Variants in PUM1 observed in about 807,000 individuals in gnomAD.
PUM1 encodes the protein pumilio RNA binding family member 1.
In PUM1, 13 loss-of-function variants were observed where a neutral mutation model predicts 131.8. That is an observed-to-expected ratio of 0.10 (90% confidence interval 0.06 to 0.16). PUM1 has a LOEUF of 0.16. Ranked by LOEUF, PUM1 falls within the 10% of genes least tolerant of loss-of-function variation. The pLI, the probability that PUM1 is intolerant of heterozygous loss-of-function variation, is 1.00. For missense variants in PUM1, 961 were observed against 1,512.4 expected, an observed-to-expected ratio of 0.64 and a Z score of 6.05; for synonymous variants, 509 against 556.5, an observed-to-expected ratio of 0.91 and a Z score of 1.20.
At chr1:31,019,260 G>C (rs758158710) in intron 3 of PUM1, among the ~76,000 whole-genome samples, 9 of 152,220 alleles carry the variant, frequency 5.9e-5, no homozygotes, top group African/African-American at 9.6e-5. Context: ...GCTGAGGCAC[G>C]AGAATCACTT....
chr1:31,020,530 G>A (rs1372701432), intron 3 of PUM1, among the ~76,000 whole-genome samples: 1 of 152,122 alleles, frequency 6.6e-6, no homozygotes, highest in East Asian at 1.9e-4. Flanking sequence ...ATACTGTAAA[G>A]TTCACAAATA....
At chr1:30,946,393 A>G (rs1288214855) in intron 17 of PUM1, among the ~76,000 whole-genome samples, 1 of 151,416 alleles carries the variant, frequency 6.6e-6, no homozygotes, top group East Asian at 2.0e-4. Context: ...AACCCCAGCA[A>G]TTTGGGAGGC....
At chr1:30,954,401 C>A (rs1448079029) in intron 14 of PUM1, among the ~76,000 whole-genome samples, 1 of 152,120 alleles carries the variant, frequency 6.6e-6, no homozygotes, top group Non-Finnish European at 1.5e-5. Context: ...CTTGAATAAC[C>A]CCCATTTCCA....
At chr1:30,969,996 A>T (rs890523431) in intron 10 of PUM1, among the ~76,000 whole-genome samples, 1 of 152,182 alleles carries the variant, frequency 6.6e-6, no homozygotes, top group Non-Finnish European at 1.5e-5. Flanking sequence ...AAACACAGAC[A>T]TCAAAATGCT....
chr1:30,978,455 G>A (rs1009176479), intron 9 of PUM1, among the ~76,000 whole-genome samples: 6 of 152,186 alleles, frequency 3.9e-5, no homozygotes, highest in South Asian at 2.1e-4. Flanking sequence ...GGATGACCAC[G>A]GACAGCCAGA....
chr1:31,047,511 C>T lies in PUM1; in HGVS notation c.363+11693G>A, dbSNP rs995601262. On this transcript the variant is annotated intron_variant, in intron 2 of 21. Transcript: ENST00000426105. The stretch of plus-strand genomic sequence containing the variant: ...ATTGTTAAAGTATTCTTTCCACACA[C>T]CCAGAAACCTAATTTTGTACTCAGG... Among the ~76,000 whole-genome samples the T allele has an allele frequency of 7.9e-5, 12 of 152,356 alleles. No individual in the cohort carries two copies. In the East Asian group the frequency reaches 9.6e-4, roughly 12 times the overall value.
In PUM1 at chr1:30,999,241, C is replaced by T. The variant is rs1642098830; in HGVS notation, c.721-4021G>A. ...ATTCAAACACCTGGCTTCAAGTGAT[C>T]CTCCTGCCTTGGTCTCCCAAAGCTC... On this transcript the variant is annotated intron_variant, in intron 5 of 21. Transcript: ENST00000426105. Among the ~76,000 whole-genome samples the T allele has an allele frequency of 2.0e-5, 3 of 152,144 alleles. 1 individual carries two copies. The South Asian group carries it at 6.2e-4, about 32-fold the overall frequency.
Position 31,038,984 on chromosome 1 carries a change from A to ATTTT in PUM1, c.364-10124_364-10121dup, listed in dbSNP as rs35507851. Among the ~76,000 whole-genome samples the ATTTT allele has an allele frequency of 8.5e-4, 42 of 49,418 alleles. 2 individuals are homozygous for ATTTT. Among genetic ancestry groups the ATTTT allele is most frequent in the African/African-American group, 6.8e-3 (33 of 4,832 alleles). 32.4% of individuals were successfully genotyped at this position (49,418 alleles called of 152,430 possible). A position where few individuals can be genotyped will look rare whatever the true frequency, so the allele number is the denominator to read the frequency against. On this transcript the variant is annotated intron_variant, in intron 2 of 21. Transcript: ENST00000426105. Reference sequence around the variant, plus strand: ...TATATATATATATATATATATATATATTTTTTTTTTTTTTTTCCTTTTCTC... The same window carrying ATTTT: ...TATATATATATATATATATATATATATTTTTTTTTTTTTTTTTTTTCCTTTTCTC...
chr1:31,026,026 G>A (rs1643207223), intron 3 of PUM1, among the ~76,000 whole-genome samples: 1 of 152,052 alleles, frequency 6.6e-6, no homozygotes, highest in African/African-American at 2.4e-5. Context: ...GCCAAGGCAG[G>A]CGACTGCCTG....
Position 30,995,091 on chromosome 1 carries a change from C to T in PUM1, c.850G>A (p.Val284Met). Reference protein sequence around the residue: ...DVMDKTNGLPVQNGIDADVKD... With the variant: ...DVMDKTNGLPMQNGIDADVKD... ...ACGTCTGCATCAATCCCATTCTGCACTGGTAAACCATTGGTCTTGTCCATC... is the reference window on the plus strand; with the variant it reads ...ACGTCTGCATCAATCCCATTCTGCATTGGTAAACCATTGGTCTTGTCCATC... Residue 284 changes from valine to methionine, a missense_variant, in exon 6 of 22, where the codon GTG becomes ATG. By Grantham distance (21) the Val-to-Met change is conservative. Transcript: ENST00000426105. 6.2e-7 allele frequency: 1 copy of T among 1,614,186 alleles called. No homozygotes were observed. Among genetic ancestry groups the T allele is most frequent in the Non-Finnish European group, 8.5e-7 (1 of 1,180,014 alleles).
chr1:30,953,314 G>A lies in PUM1; in HGVS notation c.2591+400C>T, dbSNP rs76878350. On this transcript the variant is annotated intron_variant, in intron 15 of 21. Coordinates refer to ENST00000426105, the MANE Select transcript of PUM1 (RefSeq NM_001020658.2). ...AGATTCGCTTTCTGTGAAGCCCACT[G>A]CAGCAGCCCAACAGGAAGGGGTAAA... Among the ~76,000 whole-genome samples the A allele has an allele frequency of 2.6e-3, 391 of 152,306 alleles. 4 individuals carry two copies. The East Asian group carries it at 0.033, about 13-fold the overall frequency.
intron 5 of PUM1, among the ~76,000 whole-genome samples, chr1:31,004,092 C>G (rs911516749): frequency 6.6e-6 from 1 of 152,190 alleles, no homozygotes; most frequent in Non-Finnish European, 1.5e-5. Context: ...TCTTAACCTC[C>G]TCTGTCACGA....
At chr1:30,991,708 TTTC>T (rs959004626) in intron 7 of PUM1, among the ~76,000 whole-genome samples, 2 of 152,234 alleles carry the variant, frequency 1.3e-5, no homozygotes. Flanking sequence ...ACAGCTGACC[TTTC>T]TTTAAAAAAT....
chr1:30,959,259 C>A (rs944217055), intron 14 of PUM1, among the ~76,000 whole-genome samples: 1 of 152,162 alleles, frequency 6.6e-6, no homozygotes, highest in Non-Finnish European at 1.5e-5. Flanking sequence ...TGGTACACTT[C>A]GAATTTCATG....
chr1:30,938,896 TAGATAGATAGACAGACAGACAGACAGAC>T (rs1639327239), intron 20 of PUM1, among the ~76,000 whole-genome samples: 1 of 110,184 alleles, frequency 9.1e-6, no homozygotes, highest in Admixed American at 1.0e-4. Flanking sequence ...GATAGATAGA[TAGATAGATAGACAGACAGACAGACAGAC>T]AGACAGACAG....
At chr1:31,029,284 G>C (rs1643331107) in intron 2 of PUM1, among the ~76,000 whole-genome samples, 1 of 152,198 alleles carries the variant, frequency 6.6e-6, no homozygotes, top group Admixed American at 6.5e-5. Flanking sequence ...AAATTAGGGA[G>C]TGCATTTGAT....
chr1:30,968,364 T>G lies in PUM1; in HGVS notation c.1635A>C (p.Ala545=), dbSNP rs779340599. 1.3e-6 allele frequency: 2 copies of G among 1,585,052 alleles called. No homozygotes were observed. The highest frequency in any genetic ancestry group is 1.7e-6 in the Non-Finnish European group (2 of 1,163,042). ...SALAFGQGLA[A]GMPGYPVLAP... ...ACAATGCAGCCGCACCTGGCATGCCTGCTGCCAGACCTTGTCCAAATGCAA... is the reference window on the plus strand; with the variant it reads ...ACAATGCAGCCGCACCTGGCATGCCGGCTGCCAGACCTTGTCCAAATGCAA... Residue 545 remains alanine (A), a synonymous_variant, in exon 11 of 22, where the codon GCA becomes GCC. Coordinates refer to ENST00000426105, the MANE Select transcript of PUM1 (RefSeq NM_001020658.2).
rs1570115416 is a variant in PUM1 at position 30,952,461 on chromosome 1, T to C, written c.2592-98A>G. 1.1e-5 allele frequency: 17 copies of C among 1,573,596 alleles called. No homozygotes were observed. The East Asian group carries it at 2.9e-4, about 27-fold the overall frequency. On this transcript the variant is annotated intron_variant, in intron 15 of 21. Transcript: ENST00000426105. ...TATAGACTGCATCCGTTCTGAAACA[T>C]GTGAGTGAGCATGTGTGCACACACA...
chr1:31,019,878 C>T (rs1228339293), intron 3 of PUM1, among the ~76,000 whole-genome samples: 2 of 151,486 alleles, frequency 1.3e-5, no homozygotes, highest in Non-Finnish European at 2.9e-5. Flanking sequence ...AATAAGGTCA[C>T]GTGTTTTTAC....
Sources: gnomAD v4.1 joint callset for allele counts (sites outside exome capture counted in the v4.1 genomes callset) on GRCh38, gnomAD v4.1.1 for gene constraint, MANE v1.5 for transcripts, NCBI Gene and HGNC (gene_info 2026-07-23, HGNC 2026-07-21) for gene names.